SRPX: variants seen among roughly 807,000 people sequenced by gnomAD.
SRPX encodes the protein sushi repeat-containing protein SRPX.
In SRPX, 24 loss-of-function variants were observed where a neutral mutation model predicts 38.1. That is an observed-to-expected ratio of 0.63 (90% CI 0.46 to 0.89). The LOEUF is 0.89. Ranked by LOEUF, SRPX falls within the 40% of genes least tolerant of loss-of-function variation. SRPX has a pLI of 0.00. For synonymous variants in SRPX, 184 were observed against 153.8 expected, an observed-to-expected ratio of 1.20 and a Z score of -1.45; for missense variants, 416 against 377.8, an observed-to-expected ratio of 1.10 and a Z score of -0.84.
intron 6 of SRPX, 134 bp downstream of exon 6, chrX:38,160,799 C>T (rs947776011): frequency 5.0e-6 from 4 of 806,097 alleles, no homozygotes; most frequent in Non-Finnish European, 7.0e-6. Flanking sequence ...TTCCCCAAGC[C>T]TTATTAGAGA....
chrX:38,210,360 C>T (rs1939297244), intron 1 of SRPX, among the ~76,000 whole-genome samples: 1 of 112,166 alleles, frequency 8.9e-6, no homozygotes, highest in Non-Finnish European at 1.9e-5. Context: ...ATCAATGACC[C>T]TGAGCAGTCC....
chrX:38,219,301 A>G (rs1259291024), intron 1 of SRPX, among the ~76,000 whole-genome samples: 2 of 110,745 alleles, frequency 1.8e-5, no homozygotes, highest in East Asian at 5.7e-4. Context: ...CTCCCAACTC[A>G]GTGCGGAAAA....
intron 1 of SRPX, among the ~76,000 whole-genome samples, chrX:38,209,006 T>G (rs1939268495): frequency 9.3e-6 from 1 of 107,468 alleles, no homozygotes; most frequent in African/African-American, 3.4e-5. Flanking sequence ...ATATATTTTT[T>G]TTTTGCAAAA....
At chrX:38,156,327 T>A (rs757838336) in intron 8 of SRPX, among the ~76,000 whole-genome samples, 147 of 111,844 alleles carry the variant, frequency 1.3e-3, no homozygotes, top group African/African-American at 4.7e-3. Context: ...CCCAGAAAAG[T>A]GACCCTCAAA....
At chrX:38,219,856 G>A (rs1601878252) in intron 1 of SRPX, among the ~76,000 whole-genome samples, 2 of 112,815 alleles carry the variant, frequency 1.8e-5, no homozygotes, top group Middle Eastern at 9.2e-3. Context: ...CAACAGGAGT[G>A]CATGGCACAT....
intron 7 of SRPX, among the ~76,000 whole-genome samples, chrX:38,158,681 A>G (rs1055121847): frequency 1.9e-3 from 214 of 111,695 alleles, no homozygotes; most frequent in African/African-American, 6.7e-3. Flanking sequence ...TAGTTGCCTC[A>G]TTAAAAAAGT....
At chrX:38,158,994 A>G (rs1938187741) in intron 7 of SRPX, among the ~76,000 whole-genome samples, 2 of 111,303 alleles carry the variant, frequency 1.8e-5, no homozygotes, top group South Asian at 7.7e-4. Flanking sequence ...AAACAAACAA[A>G]CAAACAAATA....
intron 1 of SRPX, among the ~76,000 whole-genome samples, chrX:38,207,679 C>A (rs1939238582): frequency 8.9e-6 from 1 of 112,248 alleles, no homozygotes; most frequent in Non-Finnish European, 1.9e-5. Flanking sequence ...GAGCTATGAG[C>A]ATGGGAGGGA....
intron 1 of SRPX, among the ~76,000 whole-genome samples, chrX:38,219,642 A>G (rs1939479975): frequency 8.9e-6 from 1 of 111,804 alleles, no homozygotes; most frequent in African/African-American, 3.3e-5. Flanking sequence ...CCATCCCTAC[A>G]TCTCCCAAGC....
intron 9 of SRPX, among the ~76,000 whole-genome samples, chrX:38,150,174 GA>G (rs1199106714): frequency 8.9e-6 from 1 of 112,398 alleles, no homozygotes; most frequent in East Asian, 2.8e-4. Context: ...ATGTACCTGA[GA>G]GGTTGAAAAG....
chrX:38,157,506 G>T (rs1026448710), intron 7 of SRPX, among the ~76,000 whole-genome samples: 1 of 111,259 alleles, frequency 9.0e-6, no homozygotes, highest in Non-Finnish European at 1.9e-5. Flanking sequence ...TCCTTCCATC[G>T]TCTCTTTCTA....
At chrX:38,192,769 G>A (rs1454512990) in intron 1 of SRPX, among the ~76,000 whole-genome samples, 1 of 112,233 alleles carries the variant, frequency 8.9e-6, no homozygotes, top group African/African-American at 3.2e-5. Flanking sequence ...CTAGGACCAA[G>A]GCAGGCTGTC....
chrX:38,166,315 C>A (rs1938363851), intron 4 of SRPX, among the ~76,000 whole-genome samples: 1 of 112,027 alleles, frequency 8.9e-6, no homozygotes, highest in Non-Finnish European at 1.9e-5. Flanking sequence ...CTTCAGCTAT[C>A]CAAATTCATT....
intron 1 of SRPX, among the ~76,000 whole-genome samples, chrX:38,194,063 TA>T (rs768579491): frequency 1.8e-5 from 2 of 111,459 alleles, no homozygotes; most frequent in East Asian, 5.6e-4. Context: ...CTCCAGAGAC[TA>T]TTCAAGGTCA....
At chrX:38,203,755 C>A (rs56079613) in intron 1 of SRPX, among the ~76,000 whole-genome samples, 2 of 110,888 alleles carry the variant, frequency 1.8e-5, no homozygotes, top group African/African-American at 6.6e-5. Context: ...TTCCAGCCTG[C>A]GCAACAAAAG....
At chrX:38,198,389 A>G (rs1939037583) in intron 1 of SRPX, among the ~76,000 whole-genome samples, 1 of 112,523 alleles carries the variant, frequency 8.9e-6, no homozygotes, top group Non-Finnish European at 1.9e-5. Flanking sequence ...CTCAGATTCA[A>G]TTCAAAGAAA....
intron 1 of SRPX, among the ~76,000 whole-genome samples, chrX:38,200,107 C>T (rs957932995): frequency 8.9e-6 from 1 of 111,984 alleles, no homozygotes; most frequent in African/African-American, 3.2e-5. Flanking sequence ...AAAGCTGAGC[C>T]AAACACCTGA....
intron 1 of SRPX, among the ~76,000 whole-genome samples, chrX:38,193,598 TCAAATGCTTG>T (rs2147112655): frequency 8.9e-6 from 1 of 112,373 alleles, no homozygotes; most frequent in African/African-American, 3.2e-5. Flanking sequence ...AAAATTTTCC[TCAAATGCTTG>T]CAAATGGCAA....
intron 1 of SRPX, among the ~76,000 whole-genome samples, chrX:38,205,899 G>C (rs1310467389): frequency 8.9e-6 from 1 of 112,236 alleles, no homozygotes; most frequent in Non-Finnish European, 1.9e-5. Context: ...TCCCAAACCA[G>C]CTCTGTAGTG....
Sources: gnomAD v4.1 joint callset for allele counts (sites outside exome capture counted in the v4.1 genomes callset) on GRCh38, gnomAD v4.1.1 for gene constraint, MANE v1.5 for transcripts, NCBI Gene and HGNC (gene_info 2026-07-23, HGNC 2026-07-21) for gene names.